The following IGF1 variants were observed in gnomAD, a reference collection of about 807,000 sequenced individuals.
The protein encoded by IGF1 is insulin like growth factor 1, also known as insulin-like growth factor 1.
IGF1 carries 4 observed loss-of-function variants against 13.8 expected under a neutral mutation model. The ratio of observed to expected loss-of-function variants is 0.29; its 90% CI spans 0.14 to 0.66. IGF1 has a LOEUF of 0.66. Ranked by LOEUF, IGF1 falls within the 30% of genes least tolerant of loss-of-function variation. The pLI, the probability that IGF1 is intolerant of heterozygous loss-of-function variation, is 0.78. For synonymous variants in IGF1, 76 were observed against 72.6 expected, an observed-to-expected ratio of 1.05 and a Z score of -0.23; for missense variants, 124 against 188.5, an observed-to-expected ratio of 0.66 and a Z score of 2.00.
rs1236973918 is a variant in IGF1, at chr12:102,400,145, T to TC, written c.*2361dup. 6.6e-6 allele frequency: 1 copy of TC among 150,742 alleles called. No individual in the cohort carries two copies. The highest frequency in any genetic ancestry group is 1.5e-5 in the Non-Finnish European group (1 of 67,470). The allele number at this position is 150,742 out of a possible 1,614,324, so 9.3% of individuals were successfully genotyped here. ...ATCCAGGGAGTCTTTTTTTTTTTTT[T>TC]CCTGGCCTCTGATCCTTGAGGTGAC... On this transcript the variant is annotated 3_prime_UTR_variant, in exon 4 of 4. Transcript: ENST00000337514.
At chr12:102,456,135 T>A (rs17728444) in intron 2 of IGF1, among the ~76,000 whole-genome samples, 1,716 of 152,236 alleles carry the variant, frequency 0.011, 20 homozygotes, top group Non-Finnish European at 0.018. Flanking sequence ...AGTGGCCATC[T>A]TAGGAGCATC....
rs1555244052 is a variant in IGF1, at chr12:102,441,915, C to CTTCTTATTCTT, written c.221-22226_221-22225insAAGAATAAGAA. Among the ~76,000 whole-genome samples, 2 of 122,140 alleles carry CTTCTTATTCTT rather than the reference C, an allele frequency of 1.6e-5. 1 individual carries two copies. Among genetic ancestry groups the CTTCTTATTCTT allele is most frequent in the Non-Finnish European group, 3.4e-5 (2 of 58,214 alleles). The allele number at this position is 122,140 out of a possible 152,430, so 80.1% of individuals were successfully genotyped here. Reference sequence around the variant, plus strand: ...GTCATTCTATTACACTGCTTCTTCTCCTTCTTCTTCTTCTTCTTCTTCTTC... The same window carrying CTTCTTATTCTT: ...GTCATTCTATTACACTGCTTCTTCTCTTCTTATTCTTCTTCTTCTTCTTCTTCTTCTTCTTC... On this transcript the variant is annotated intron_variant, in intron 2 of 3. Transcript: ENST00000337514.
intron 2 of IGF1, among the ~76,000 whole-genome samples, chr12:102,441,957 T>TCTCCTTCTCC (rs71438463): frequency 7.4e-6 from 1 of 134,750 alleles, no homozygotes; most frequent in African/African-American, 2.7e-5. Context: ...TTCTTCTTCT[T>TCTCCTTCTCC]TTTTTTTTTT....
At chr12:102,480,134 C>T in intron 1 of IGF1, among the ~76,000 whole-genome samples, 185 bp downstream of exon 1, 1 of 152,156 alleles carries the variant, frequency 6.6e-6, no homozygotes, top group East Asian at 1.9e-4. Flanking sequence ...GATATCTGTG[C>T]AAATGCATCC....
intron 2 of IGF1, among the ~76,000 whole-genome samples, chr12:102,433,966 C>T (rs1009459514): frequency 4.6e-5 from 7 of 152,130 alleles, no homozygotes; most frequent in African/African-American, 1.7e-4. Context: ...TCCTTAGCAT[C>T]ATTATGAAGA....
rs1399980308 is a variant in IGF1, at chr12:102,397,905, T to C, written c.*4602A>G. ...TAGCACAATCTTTTAAGATTAAAAA[T>C]AGCAAAACATTTTAAATAGTCTGAT... On this transcript the variant is annotated 3_prime_UTR_variant, in exon 4 of 4. Transcript: ENST00000337514. 1 of 152,154 alleles carries C rather than the reference T, an allele frequency of 6.6e-6. No homozygotes were observed. Among genetic ancestry groups the C allele is most frequent in the African/African-American group, 2.4e-5 (1 of 41,434 alleles). The allele number at this position is 152,154 out of a possible 1,614,324, so 9.4% of individuals were successfully genotyped here. A position where few individuals can be genotyped will look rare whatever the true frequency, so the allele number is the denominator to read the frequency against.
Position 102,480,484 on chromosome 12 carries a change from A to C in IGF1, c.-103T>G. The C allele has an allele frequency of 6.3e-7, 1 of 1,583,308 alleles. No homozygotes were observed. The highest frequency in any genetic ancestry group is 1.1e-5 in the South Asian group (1 of 88,640). ...GATGTTGAGAGCAATGTCACATTTC[A>C]ATTTTGAGGACTTTATTCCATTGCG... On this transcript the variant is annotated 5_prime_UTR_variant, in exon 1 of 4. The change creates a new upstream start codon in the 5' untranslated region. Coordinates refer to ENST00000337514, the MANE Select transcript of IGF1 (RefSeq NM_000618.5).
intron 2 of IGF1, among the ~76,000 whole-genome samples, chr12:102,448,446 A>G (rs1202877789): frequency 1.4e-5 from 2 of 147,004 alleles, no homozygotes; most frequent in Non-Finnish European, 3.0e-5. Flanking sequence ...AGAACAAAAA[A>G]CCAAACACCG....
At chr12:102,466,282 C>G (rs4764698) in intron 2 of IGF1, among the ~76,000 whole-genome samples, 5,021 of 152,268 alleles carry the variant, frequency 0.033, 314 homozygotes, top group East Asian at 0.28. Context: ...GTGTTACTTT[C>G]ACTCATGGTT....
intron 2 of IGF1, chr12:102,423,283 A>G (rs976141776): frequency 2.0e-5 from 3 of 150,932 alleles, no homozygotes; most frequent in Non-Finnish European, 4.4e-5. Flanking sequence ...AAAAAAAAAA[A>G]AAAAAGACCG....
chr12:102,405,978 G>A (rs1050911752), intron 3 of IGF1, among the ~76,000 whole-genome samples: 1 of 152,218 alleles, frequency 6.6e-6, no homozygotes, highest in African/African-American at 2.4e-5. Flanking sequence ...AGTCTGAGCG[G>A]AGGGATTCCC....
At position 102,398,143 on chromosome 12, in the gene IGF1, T is replaced by A. The variant is rs1384298034; in HGVS notation, c.*4364A>T. 2.6e-5 allele frequency: 4 copies of A among 151,218 alleles called. No individual in the cohort carries two copies. The highest frequency in any genetic ancestry group is 7.3e-5 in the African/African-American group (3 of 41,146). The allele number at this position is 151,218 out of a possible 1,614,324, so 9.4% of individuals were successfully genotyped here. ...AAAAATCTTCACAGATTGTTAGCCA[T>A]CTCTTTCAACAATTTCTCATAAATT... On this transcript the variant is annotated 3_prime_UTR_variant, in exon 4 of 4. Coordinates refer to ENST00000337514, the MANE Select transcript of IGF1 (RefSeq NM_000618.5).
In IGF1 at chr12:102,475,621, A is replaced by G. The variant is rs1172516638; in HGVS notation, c.220+22T>C. On this transcript the variant is annotated intron_variant, in intron 2 of 3. Coordinates refer to ENST00000337514, the MANE Select transcript of IGF1 (RefSeq NM_000618.5). ...TGTACACTTTAGACTTGAGCAGCACATTGAGAGGGAGGGCTACTTACTGAA... is the reference window on the plus strand; with the variant it reads ...TGTACACTTTAGACTTGAGCAGCACGTTGAGAGGGAGGGCTACTTACTGAA... The G allele has an allele frequency of 1.4e-5, 23 of 1,613,840 alleles. No individual in the cohort carries two copies. The East Asian group carries it at 3.3e-4, about 23-fold the overall frequency.
At chr12:102,475,611 T>C in intron 2 of IGF1, 32 bp downstream of exon 2, 2 of 1,613,168 alleles carry the variant, frequency 1.2e-6, no homozygotes, top group Non-Finnish European at 1.7e-6. Context: ...ACTTTAGACT[T>C]GAGCAGCACA....
At chr12:102,407,883 T>C (rs1387353676) in intron 3 of IGF1, among the ~76,000 whole-genome samples, 1 of 152,072 alleles carries the variant, frequency 6.6e-6, no homozygotes, top group Non-Finnish European at 1.5e-5. Context: ...CTTTTTTTCC[T>C]CCCCACTTAT....
At chr12:102,409,824 G>A (rs1041572623) in intron 3 of IGF1, among the ~76,000 whole-genome samples, 10 of 152,210 alleles carry the variant, frequency 6.6e-5, no homozygotes, top group Non-Finnish European at 1.5e-4. Context: ...ATTCCCTATA[G>A]CTCTTGCCAC....
chr12:102,404,083 A>G (rs1873926256), intron 3 of IGF1, among the ~76,000 whole-genome samples: 1 of 152,170 alleles, frequency 6.6e-6, no homozygotes, highest in Admixed American at 6.5e-5. Context: ...CATAAACCTG[A>G]GGTACTTCTT....
At chr12:102,454,540 G>A (rs1418032830) in intron 2 of IGF1, among the ~76,000 whole-genome samples, 1 of 152,230 alleles carries the variant, frequency 6.6e-6, no homozygotes, top group African/African-American at 2.4e-5. Flanking sequence ...TCTTAGCTGA[G>A]TCTGAAGGCC....
chr12:102,450,817 G>C (rs939593404), intron 2 of IGF1, among the ~76,000 whole-genome samples: 1 of 152,134 alleles, frequency 6.6e-6, no homozygotes, highest in African/African-American at 2.4e-5. Flanking sequence ...TACTTTGGGC[G>C]GGTTTTCAGA....
Sources: allele counts gnomAD v4.1 joint callset (sites outside exome capture counted in the v4.1 genomes callset), GRCh38; gene constraint gnomAD v4.1.1; transcripts MANE v1.5; gene names NCBI Gene and HGNC (gene_info 2026-07-23, HGNC 2026-07-21).